The following DNM3 variants were observed in gnomAD, a reference collection of about 807,000 sequenced individuals.
DNM3 encodes dynamin 3.
DNM3 carries 47 observed loss-of-function variants against 101.6 expected under a neutral mutation model. The observed-to-expected ratio is 0.46, with a 90% CI of 0.37 to 0.59. The LOEUF (loss-of-function observed/expected upper bound fraction) is 0.59, where lower values mean the gene tolerates loss of function less well. Among genes scored for constraint, DNM3 ranks in the 20% least tolerant of loss-of-function variants. DNM3 has a pLI of 0.00. For synonymous variants in DNM3, 385 were observed against 387.9 expected (o/e 0.99, Z 0.09); for missense variants, 849 against 1,085.7 (o/e 0.78, Z 3.06).
chr1:171,953,929 G>A (rs1018755981), intron 2 of DNM3, among the ~76,000 whole-genome samples: 26 of 152,254 alleles, frequency 1.7e-4, no homozygotes, highest in African/African-American at 4.8e-5. Context: ...TTTCCTCACC[G>A]TTGTGGTCAT....
chr1:172,356,144 G>A (rs144982973), intron 17 of DNM3, among the ~76,000 whole-genome samples: 1 of 152,158 alleles, frequency 6.6e-6, no homozygotes, highest in Non-Finnish European at 1.5e-5. Flanking sequence ...CTTTCAGGCA[G>A]CAAAAACAGT....
chr1:171,882,430 TACACACACACACAC>T lies in DNM3; in HGVS notation c.162-39297_162-39284del, dbSNP rs34753464. Among the ~76,000 whole-genome samples, 10 of 145,430 alleles carry T rather than the reference TACACACACACACAC, an allele frequency of 6.9e-5. No individual in the cohort carries two copies. The East Asian group carries it at 1.4e-3, about 20-fold the overall frequency. On this transcript the variant is annotated intron_variant, in intron 1 of 20. Coordinates refer to ENST00000627582, the MANE Select transcript of DNM3 (RefSeq NM_015569.5). ...CTCGTTTTGTCTCTGTCTCTCTCTA[TACACACACACACAC>T]ACACACACACACACACACACGCACC...
intron 11 of DNM3, among the ~76,000 whole-genome samples, chr1:172,075,320 G>T (rs1333250556): frequency 1.3e-5 from 2 of 152,070 alleles, no homozygotes; most frequent in East Asian, 1.9e-4. Context: ...AGTTTAATTA[G>T]ATCCCATTTG....
chr1:172,353,020 C>A (rs143064392), intron 17 of DNM3, among the ~76,000 whole-genome samples: 87 of 152,218 alleles, frequency 5.7e-4, no homozygotes, highest in African/African-American at 2.0e-3. Context: ...TCTTCTTTTT[C>A]AAATCCCCAC....
intron 15 of DNM3, among the ~76,000 whole-genome samples, chr1:172,276,577 G>GTGTGTGTGTGTA (rs1268816385): frequency 6.6e-6 from 1 of 151,698 alleles, no homozygotes; most frequent in Non-Finnish European, 1.5e-5. Context: ...GTGTGTGTGT[G>GTGTGTGTGTGTA]TGTGTGTGTA....
chr1:172,215,599 G>A lies in DNM3; in HGVS notation c.1660-37974G>A, dbSNP rs538592018. On this transcript the variant is annotated intron_variant, in intron 14 of 20. Coordinates refer to ENST00000627582, the MANE Select transcript of DNM3 (RefSeq NM_015569.5). ...AAAAAAATTGGAAGATAAAAGCTTTGGAAGATATCAGAGCAAAAATTGGAA... is the reference window on the plus strand; with the variant it reads ...AAAAAAATTGGAAGATAAAAGCTTTAGAAGATATCAGAGCAAAAATTGGAA... Among the ~76,000 whole-genome samples, 323 of 152,010 alleles carry A rather than the reference G, an allele frequency of 2.1e-3. 2 individuals are homozygous for A. The highest frequency in any genetic ancestry group is 0.014 in the South Asian group (66 of 4,812).
At chr1:171,854,520 C>G (rs897682434) in intron 1 of DNM3, among the ~76,000 whole-genome samples, 2 of 152,010 alleles carry the variant, frequency 1.3e-5, no homozygotes, top group Non-Finnish European at 2.9e-5. Context: ...GACAAAGTCT[C>G]GCTCTTGTCG....
rs1406744858 is a variant in DNM3 at position 172,119,525 on chromosome 1, C to T, written c.1546-11650C>T. On this transcript the variant is annotated intron_variant, in intron 13 of 20. Coordinates refer to ENST00000627582, the MANE Select transcript of DNM3 (RefSeq NM_015569.5). ...TCGGTTTCCTTCATGGGTCCATCCT[C>T]TCCTCCCAGACATTGCACGTTGGCT... Among the ~76,000 whole-genome samples, 6 of 152,100 alleles carry T rather than the reference C, an allele frequency of 3.9e-5. No individual in the cohort carries two copies. In the South Asian group the frequency reaches 1.0e-3, roughly 26 times the overall value.
chr1:172,253,440 G>A (rs2062263198), intron 14 of DNM3, 133 bp from the exon 15 acceptor site: 3 of 623,608 alleles, frequency 4.8e-6, no homozygotes, highest in East Asian at 5.6e-5. Context: ...CTCAGGTGAT[G>A]TGTTGCCATT....
intron 14 of DNM3, among the ~76,000 whole-genome samples, chr1:172,234,465 A>C (rs2061460123): frequency 6.6e-6 from 1 of 152,184 alleles, no homozygotes; most frequent in African/African-American, 2.4e-5. Context: ...TGCCCAAGGT[A>C]ATTTACAGAT....
chr1:172,334,752 A>G (rs977637250), intron 17 of DNM3, among the ~76,000 whole-genome samples: 1 of 151,986 alleles, frequency 6.6e-6, no homozygotes, highest in African/African-American at 2.4e-5. Context: ...GTATGATAAT[A>G]ACCAAACAGA....
At position 171,843,938 on chromosome 1, in the gene DNM3, G is replaced by A. The variant is rs76100800; in HGVS notation, c.161+2121G>A. On this transcript the variant is annotated intron_variant, in intron 1 of 20. Coordinates refer to ENST00000627582, the MANE Select transcript of DNM3 (RefSeq NM_015569.5). The stretch of plus-strand genomic sequence containing the variant: ...TTTACCACTAATTGACTGTTAGAAC[G>A]CCAAATCAAAGAAAAGGATGACCAT... 3.4e-3 allele frequency among the ~76,000 whole-genome samples: 516 copies of A among 152,154 alleles called. 6 individuals carry two copies. Among genetic ancestry groups the A allele is most frequent in the African/African-American group, 0.012 (490 of 41,520 alleles).
At chr1:171,855,888 C>T (rs899372396) in intron 1 of DNM3, among the ~76,000 whole-genome samples, 1 of 152,132 alleles carries the variant, frequency 6.6e-6, no homozygotes, top group African/African-American at 2.4e-5. Context: ...TCCCTCTTGT[C>T]AATTTTTGCT....
rs116648649 is a variant in DNM3, at chr1:172,114,610, A to G, written c.1546-16565A>G. 8.3e-3 allele frequency among the ~76,000 whole-genome samples: 1,266 copies of G among 152,310 alleles called. 26 individuals carry two copies. The highest frequency in any genetic ancestry group is 0.028 in the African/African-American group (1,182 of 41,574). Reference sequence around the variant, plus strand: ...ACTTGTGCCTTTTGTTCCCTGTACTAACACTTACTTATATAATGCTATATT... The same window carrying G: ...ACTTGTGCCTTTTGTTCCCTGTACTGACACTTACTTATATAATGCTATATT... On this transcript the variant is annotated intron_variant, in intron 13 of 20. Coordinates refer to ENST00000627582, the MANE Select transcript of DNM3 (RefSeq NM_015569.5).
At chr1:172,402,961 A>C (rs2149117174) in intron 20 of DNM3, among the ~76,000 whole-genome samples, 1 of 152,328 alleles carries the variant, frequency 6.6e-6, no homozygotes, top group Middle Eastern at 3.4e-3. Flanking sequence ...GCATAGTCCC[A>C]GGACCAGCAG....
At chr1:172,128,531 AAATT>A (rs2056764813) in intron 13 of DNM3, among the ~76,000 whole-genome samples, 2 of 152,380 alleles carry the variant, frequency 1.3e-5, no homozygotes, top group South Asian at 4.1e-4. Flanking sequence ...AGGAAACATG[AAATT>A]AATTTTTACA....
chr1:172,273,153 A>AT (rs2063148365), intron 15 of DNM3, among the ~76,000 whole-genome samples: 1 of 152,002 alleles, frequency 6.6e-6, no homozygotes, highest in South Asian at 2.1e-4. Flanking sequence ...TGTAGTTTTA[A>AT]TTTTTTGTTA....
chr1:172,304,333 C>T (rs1350066665), intron 15 of DNM3, among the ~76,000 whole-genome samples: 3 of 151,584 alleles, frequency 2.0e-5, no homozygotes, highest in Non-Finnish European at 4.4e-5. Context: ...ACAAGTAGAG[C>T]TAACTATCCT....
intron 20 of DNM3, among the ~76,000 whole-genome samples, chr1:172,404,972 G>A (rs1434658238): frequency 2.0e-5 from 3 of 152,032 alleles, no homozygotes; most frequent in African/African-American, 7.2e-5. Flanking sequence ...AGATCATCTA[G>A]TCTGATTGTA....
Sources: gnomAD v4.1 joint callset for allele counts (sites outside exome capture counted in the v4.1 genomes callset) on GRCh38, gnomAD v4.1.1 for gene constraint, MANE v1.5 for transcripts, NCBI Gene and HGNC (gene_info 2026-07-23, HGNC 2026-07-21) for gene names.